COP1: variants seen among roughly 807,000 people sequenced by gnomAD.
COP1 encodes E3 ubiquitin-protein ligase COP1.
Under a neutral mutation model 101.3 loss-of-function variants are expected in COP1, and 24 were observed. The ratio of observed to expected loss-of-function variants is 0.24; its 90% CI spans 0.17 to 0.33. COP1 has a LOEUF of 0.33. Ranked by LOEUF, COP1 falls within the 10% of genes least tolerant of loss-of-function variation. The pLI is 1.00. For synonymous variants in COP1, 347 were observed against 341.9 expected (o/e 1.01, Z -0.17); for missense variants, 663 against 906.2 (o/e 0.73, Z 3.45).
In COP1 at chr1:176,002,216, T is replaced by C. The variant is rs1223321875; in HGVS notation, c.1730-12737A>G. Among the ~76,000 whole-genome samples the C allele has an allele frequency of 3.3e-5, 5 of 152,148 alleles. No homozygotes were observed. The East Asian group carries it at 9.6e-4, about 29-fold the overall frequency. On this transcript the variant is annotated intron_variant, in intron 15 of 19. Transcript: ENST00000367669. ...CTCATCTTTTGGAAATCTACAAATG[T>C]TGGCATGCTTGATGGTGTCTCCAGG...
Position 176,206,676 on chromosome 1 carries a change from G to A in COP1, c.303C>T (p.Gly101=). 6.2e-7 allele frequency: 1 copy of A among 1,609,148 alleles called. No homozygotes were observed. Among genetic ancestry groups the A allele is most frequent in the African/African-American group, 1.3e-5 (1 of 75,052 alleles). ...CAARPSAGVG[G]SSSSLGSGSR... ...TGCCGCTGCCTAGGCTGGAGCTGCT[G>A]CCTCCTACGCCGGCGCTGGGCCTGG... Residue 101 remains glycine (G), a synonymous_variant, in exon 1 of 20, where the codon GGC becomes GGT. Coordinates refer to ENST00000367669, the MANE Select transcript of COP1 (RefSeq NM_022457.7).
At chr1:176,160,336 A>G (rs764205919) in intron 5 of COP1, 5 of 349,292 alleles carry the variant, frequency 1.4e-5, no homozygotes, top group African/African-American at 2.4e-5. Flanking sequence ...TACCTAGGCA[A>G]TATCATTCAG....
intron 18 of COP1, among the ~76,000 whole-genome samples, chr1:175,984,338 C>A (rs1656593810): frequency 6.6e-6 from 1 of 152,238 alleles, no homozygotes; most frequent in African/African-American, 2.4e-5. Flanking sequence ...AGGGTGCAAG[C>A]CCAAAGCCTT....
chr1:176,084,721 T>C (rs1320234627), intron 10 of COP1, among the ~76,000 whole-genome samples: 1 of 152,332 alleles, frequency 6.6e-6, no homozygotes, highest in East Asian at 1.9e-4. Flanking sequence ...ATATATTTTT[T>C]CCTATACCAC....
intron 15 of COP1, among the ~76,000 whole-genome samples, chr1:176,006,395 T>TG (rs1441242165): frequency 6.6e-6 from 1 of 152,200 alleles, no homozygotes; most frequent in African/African-American, 2.4e-5. Flanking sequence ...GTCATTATGA[T>TG]GTTAGCTGGT....
At chr1:176,188,685 T>C (rs1468156951) in intron 1 of COP1, among the ~76,000 whole-genome samples, 1 of 152,224 alleles carries the variant, frequency 6.6e-6, no homozygotes, top group Non-Finnish European at 1.5e-5. Flanking sequence ...TTGATGTTAC[T>C]ACCGTAACTG....
At chr1:176,176,089 C>A in intron 2 of COP1, 82 bp from the exon 3 acceptor site, 1 of 679,904 alleles carries the variant, frequency 1.5e-6, no homozygotes, top group Non-Finnish European at 2.6e-6. Context: ...GACTATTAGT[C>A]TTCTATTCCT....
intron 9 of COP1, chr1:176,100,376 G>T (rs890465229): frequency 8.8e-6 from 1 of 113,438 alleles, no homozygotes; most frequent in African/African-American, 3.4e-5. Context: ...GGACAAGAGC[G>T]AGACTTTGTC....
intron 10 of COP1, among the ~76,000 whole-genome samples, chr1:176,082,408 T>C (rs1679328164): frequency 2.0e-5 from 3 of 152,314 alleles, no homozygotes; most frequent in South Asian, 4.1e-4. Context: ...GTTATGCAGA[T>C]AATATAATGC....
intron 12 of COP1, among the ~76,000 whole-genome samples, chr1:176,044,338 C>T (rs1671131358): frequency 6.6e-6 from 1 of 152,170 alleles, no homozygotes; most frequent in African/African-American, 2.4e-5. Flanking sequence ...TAGAATCAAA[C>T]TTTTATCATT....
At chr1:176,040,377 G>T (rs910541450) in intron 14 of COP1, among the ~76,000 whole-genome samples, 3 of 151,904 alleles carry the variant, frequency 2.0e-5, no homozygotes, top group African/African-American at 7.3e-5. Flanking sequence ...GTACAGTGTG[G>T]CACAATCCTC....
chr1:176,152,073 G>C (rs1332978733), intron 5 of COP1, among the ~76,000 whole-genome samples: 1 of 151,960 alleles, frequency 6.6e-6, no homozygotes, highest in African/African-American at 2.4e-5. Context: ...GGCAGATTGC[G>C]TGAGCTCTGG....
At chr1:175,992,464 C>G (rs12756741) in intron 15 of COP1, among the ~76,000 whole-genome samples, 41,005 of 152,148 alleles carry the variant, frequency 0.27, 6,604 homozygotes, top group East Asian at 0.49. Flanking sequence ...TCGGGAAGCG[C>G]AAGGGGTCAG....
At chr1:176,199,436 T>A (rs372905477) in intron 1 of COP1, among the ~76,000 whole-genome samples, 1 of 152,310 alleles carries the variant, frequency 6.6e-6, no homozygotes, top group African/African-American at 2.4e-5. Context: ...CTAGATATTT[T>A]TACCCTAAAA....
intron 18 of COP1, among the ~76,000 whole-genome samples, chr1:175,964,425 G>GA (rs11387279): frequency 0.76 from 114,790 of 152,022 alleles, 45,117 homozygotes; most frequent in East Asian, 0.92. Flanking sequence ...TTTTACTGGG[G>GA]AAAAAAAGCC....
Position 175,978,796 on chromosome 1 carries a change from GA to G in COP1, c.2133+8146del, listed in dbSNP as rs578016929. Among the ~76,000 whole-genome samples, 5 of 152,252 alleles carry G rather than the reference GA, an allele frequency of 3.3e-5. No homozygotes were observed. The South Asian group carries it at 1.0e-3, about 32-fold the overall frequency. On this transcript the variant is annotated intron_variant, in intron 18 of 19. Transcript: ENST00000367669. Reference sequence around the variant, plus strand: ...AGAGAAACAGAGTTGAAGGAAGACAGAAAGAAAGAGAAGAAGCTTCTATGTT... The same window carrying G: ...AGAGAAACAGAGTTGAAGGAAGACAGAAGAAAGAGAAGAAGCTTCTATGTT...
intron 11 of COP1, among the ~76,000 whole-genome samples, chr1:176,074,036 C>T (rs1677488432): frequency 6.6e-6 from 1 of 152,164 alleles, no homozygotes; most frequent in South Asian, 2.1e-4. Context: ...AAGCTATTCT[C>T]CTGTCTCAGC....
intron 15 of COP1, among the ~76,000 whole-genome samples, chr1:176,008,932 A>G (rs1664088580): frequency 6.6e-6 from 1 of 152,164 alleles, no homozygotes. Context: ...AATGCTTTGC[A>G]CGATTTGTGT....
chr1:175,990,961 C>T (rs901313791), intron 15 of COP1, among the ~76,000 whole-genome samples: 5 of 151,304 alleles, frequency 3.3e-5, no homozygotes, highest in Admixed American at 6.6e-5. Flanking sequence ...CAACATTCAA[C>T]ATACTTACAT....
Sources: allele counts gnomAD v4.1 joint callset (sites outside exome capture counted in the v4.1 genomes callset), GRCh38; gene constraint gnomAD v4.1.1; transcripts MANE v1.5; gene names NCBI Gene and HGNC (gene_info 2026-07-23, HGNC 2026-07-21).